The following SMC3 variants were observed in gnomAD, a reference collection of about 807,000 sequenced individuals.
SMC3 encodes structural maintenance of chromosomes protein 3.
A neutral mutation model predicts 171.8 loss-of-function variants in SMC3; 20 were observed. The observed-to-expected ratio is 0.12, with a 90% confidence interval of 0.08 to 0.17. The LOEUF (loss-of-function observed/expected upper bound fraction) is 0.17, where lower values mean the gene tolerates loss of function less well. SMC3 is among the 10% of genes least tolerant of loss of function. SMC3 has a pLI of 1.00. For missense variants in SMC3, 543 were observed against 1,420.4 expected, an observed-to-expected ratio of 0.38 and a Z score of 9.93; for synonymous variants, 464 against 451.1, an observed-to-expected ratio of 1.03 and a Z score of -0.36.
At chr10:110,587,290 T>A (rs749118434) in intron 13 of SMC3, among the ~76,000 whole-genome samples, 1 of 152,220 alleles carries the variant, frequency 6.6e-6, no homozygotes. Flanking sequence ...ATAGGTAGCT[T>A]ACTTTATTAC....
intron 13 of SMC3, among the ~76,000 whole-genome samples, chr10:110,586,528 T>C (rs1161097180): frequency 6.6e-6 from 1 of 152,224 alleles, no homozygotes; most frequent in Non-Finnish European, 1.5e-5. Context: ...AGAGAATTTA[T>C]TCATTTTTTG....
chr10:110,604,527 GCTC>G lies in SMC3; in HGVS notation c.*228_*230del, dbSNP rs562254518. On this transcript the variant is annotated 3_prime_UTR_variant, in exon 29 of 29. Transcript: ENST00000361804. ...TGTACAACTTTTTGTAAAATGTTCT[GCTC>G]CTATTTTAAATGTTTTGAAACATGC... The G allele has an allele frequency of 4.3e-4, 202 of 473,160 alleles. No individual in the cohort carries two copies. The highest frequency in any genetic ancestry group is 2.6e-3 in the African/African-American group (134 of 50,780). The allele number at this position is 473,160 out of a possible 1,614,324, so 29.3% of individuals were successfully genotyped here.
At chr10:110,599,292 T>C (rs961139487) in intron 20 of SMC3, among the ~76,000 whole-genome samples, 1 of 152,190 alleles carries the variant, frequency 6.6e-6, no homozygotes, top group Admixed American at 6.5e-5. Context: ...TAGACGGGTT[T>C]CACCATGTTG....
At chr10:110,596,914 T>C (rs1861309574) in intron 19 of SMC3, among the ~76,000 whole-genome samples, 1 of 151,904 alleles carries the variant, frequency 6.6e-6, no homozygotes, top group Non-Finnish European at 1.5e-5. Context: ...CAAGAGATAC[T>C]GTTTTAAGGA....
intron 26 of SMC3, 75 bp from the exon 27 acceptor site, chr10:110,602,750 A>T: frequency 6.4e-7 from 1 of 1,557,550 alleles, no homozygotes; most frequent in Non-Finnish European, 8.9e-7. Flanking sequence ...TTGGTGCATT[A>T]TATGCAAGTT....
At chr10:110,574,992 A>G (rs74767350) in intron 3 of SMC3, among the ~76,000 whole-genome samples, 1 of 152,130 alleles carries the variant, frequency 6.6e-6, no homozygotes, top group Admixed American at 6.5e-5. Context: ...CTAGTGGGGA[A>G]AAAAGCAAAT....
chr10:110,587,112 CTTAAG>C, intron 13 of SMC3, among the ~76,000 whole-genome samples: 1 of 152,248 alleles, frequency 6.6e-6, no homozygotes, highest in East Asian at 1.9e-4. Flanking sequence ...ACTTATCAAA[CTTAAG>C]TTTTTAGACT....
At chr10:110,591,463 T>C (rs753610666) in intron 17 of SMC3, among the ~76,000 whole-genome samples, 4 of 152,204 alleles carry the variant, frequency 2.6e-5, no homozygotes, top group Non-Finnish European at 4.4e-5. Flanking sequence ...CAGGATACTT[T>C]GAGAGCATAT....
intron 20 of SMC3, 107 bp downstream of exon 20, chr10:110,598,397 G>T: frequency 3.2e-6 from 4 of 1,241,364 alleles, no homozygotes; most frequent in South Asian, 2.5e-5. Flanking sequence ...TTTCATTTTT[G>T]TTTGGACCCA....
intron 18 of SMC3, among the ~76,000 whole-genome samples, chr10:110,595,495 G>T (rs1259488924): frequency 6.6e-6 from 1 of 152,162 alleles, no homozygotes; most frequent in East Asian, 1.9e-4. Context: ...TCTCTCCGTT[G>T]TAAAGGTATC....
intron 20 of SMC3, among the ~76,000 whole-genome samples, chr10:110,599,086 C>T (rs888090338): frequency 2.6e-5 from 4 of 151,522 alleles, no homozygotes; most frequent in Non-Finnish European, 5.9e-5. Context: ...CCATCCCAAC[C>T]ATATTCTGAC....
intron 6 of SMC3, among the ~76,000 whole-genome samples, chr10:110,578,155 C>T (rs2134719872): frequency 6.6e-6 from 1 of 152,158 alleles, no homozygotes; most frequent in South Asian, 2.1e-4. Context: ...CTCACTGCAA[C>T]CTCCACCTCC....
intron 19 of SMC3, among the ~76,000 whole-genome samples, chr10:110,597,586 G>A (rs1212551252): frequency 6.6e-6 from 1 of 152,212 alleles, no homozygotes; most frequent in Non-Finnish European, 1.5e-5. Context: ...GACCTTGCAG[G>A]GGTCTGCATA....
At chr10:110,604,155 G>A in intron 28 of SMC3, 76 bp from the exon 29 acceptor site, 1 of 840,866 alleles carries the variant, frequency 1.2e-6, no homozygotes, top group Admixed American at 1.8e-5. Flanking sequence ...TAGTTGATAG[G>A]CTGTATATAT....
Position 110,601,653 on chromosome 10 carries a change from T to C in SMC3, c.2661T>C (p.Ile887=), listed in dbSNP as rs1007259461. Residue 887 remains isoleucine (I), a synonymous_variant, in exon 24 of 29, where the codon ATT becomes ATC. Coordinates refer to ENST00000361804, the MANE Select transcript of SMC3 (RefSeq NM_005445.4). The part of the protein sequence containing the change: ...MARSEDLDNS[I]DKTEAGIKEL... The stretch of plus-strand genomic sequence containing the variant: ...CCATCTTAGATTTGGACAATTCCAT[T>C]GATAAAACAGAAGCTGGAATTAAGG... 6.2e-7 allele frequency: 1 copy of C among 1,612,036 alleles called. No homozygotes were observed. Among genetic ancestry groups the C allele is most frequent in the African/African-American group, 1.3e-5 (1 of 74,878 alleles).
At chr10:110,581,892 T>G (rs373792678) in intron 8 of SMC3, 31 bp from the exon 9 acceptor site, 13 of 1,578,146 alleles carry the variant, frequency 8.2e-6, no homozygotes, top group Non-Finnish European at 1.1e-5. Context: ...TCTTATTCAA[T>G]TCTTCCACCT....
At chr10:110,580,877 T>C (rs1247579624) in intron 7 of SMC3, 27 bp from the exon 8 acceptor site, 3 of 1,193,174 alleles carry the variant, frequency 2.5e-6, no homozygotes, top group Non-Finnish European at 3.8e-6. Context: ...TACAGCTATG[T>C]AATGATTATT....
intron 22 of SMC3, among the ~76,000 whole-genome samples, 199 bp downstream of exon 22, chr10:110,600,745 T>G (rs1861373482): frequency 6.6e-6 from 1 of 152,170 alleles, no homozygotes; most frequent in Non-Finnish European, 1.5e-5. Flanking sequence ...CAGTTTCTTG[T>G]GTGAATTAAG....
Position 110,605,028 on chromosome 10 carries a change from CAT to C in SMC3, c.*729_*730del, listed in dbSNP as rs1483009712. Reference sequence around the variant, plus strand: ...TCTTGACAATTTTGAATAATATTCACATATTTTGTAGAATGTCCCTCAAATTA... The same window carrying C: ...TCTTGACAATTTTGAATAATATTCACATTTTGTAGAATGTCCCTCAAATTA... On this transcript the variant is annotated 3_prime_UTR_variant, in exon 29 of 29. Transcript: ENST00000361804. 2.6e-5 allele frequency among the ~76,000 whole-genome samples: 4 copies of C among 152,124 alleles called. No homozygotes were observed. The highest frequency in any genetic ancestry group is 9.7e-5 in the African/African-American group (4 of 41,412).
Sources: allele counts gnomAD v4.1 joint callset (sites outside exome capture counted in the v4.1 genomes callset), GRCh38; gene constraint gnomAD v4.1.1; transcripts MANE v1.5; gene names NCBI Gene and HGNC (gene_info 2026-07-23, HGNC 2026-07-21).